PAQR4: variants seen among roughly 807,000 people sequenced by gnomAD.
PAQR4 encodes the protein progestin and adipoQ receptor family member IV.
PAQR4 carries 26 observed loss-of-function variants against 20.9 expected under a neutral mutation model. That is an observed-to-expected ratio of 1.24 (90% CI 0.91 to 1.73). PAQR4 has a LOEUF of 1.73. PAQR4 is among the 40% of genes most tolerant of loss of function. The pLI, the probability that PAQR4 is intolerant of heterozygous loss-of-function variation, is 0.00. For missense variants in PAQR4, 400 were observed against 380.1 expected (o/e 1.05, Z -0.44); for synonymous variants, 193 against 171.6 (o/e 1.12, Z -0.97).
At position 2,972,015 on chromosome 16, in the gene PAQR4, G is replaced by C. The variant is rs775692308; in HGVS notation, c.*67G>C. 2 of 1,430,722 alleles carry C rather than the reference G, an allele frequency of 1.4e-6. No individual in the cohort carries two copies. The allele number at this position is 1,430,722 out of a possible 1,614,324, so 88.6% of individuals were successfully genotyped here. On this transcript the variant is annotated 3_prime_UTR_variant, in exon 3 of 3. Transcript: ENST00000318782. ...CAACACCAGGTGTTCCTCCCAACTC[G>C]TCTGCAAGGGGCTGGCTCCTTGGAT...
In PAQR4 at chr16:2,969,574, G is replaced by A. The variant is rs1468247669; in HGVS notation, c.-101G>A. On this transcript the variant is annotated 5_prime_UTR_variant, in exon 1 of 3. Coordinates refer to ENST00000318782, the MANE Select transcript of PAQR4 (RefSeq NM_152341.5). The stretch of plus-strand genomic sequence containing the variant: ...GCGCAGGGCGATGGGTGGGCGCCGG[G>A]CGCCGGGCGCCAGGCAGTGATGGGC... 5 of 1,300,166 alleles carry A rather than the reference G, an allele frequency of 3.8e-6. No homozygotes were observed. The highest frequency in any genetic ancestry group is 1.6e-5 in the African/African-American group (1 of 63,596). The allele number at this position is 1,300,166 out of a possible 1,614,324, so 80.5% of individuals were successfully genotyped here. A position where few individuals can be genotyped will look rare whatever the true frequency, so the allele number is the denominator to read the frequency against.
In PAQR4 at chr16:2,973,288, G is replaced by A; in HGVS notation, c.*1340G>A. The A allele has an allele frequency of 6.6e-7, 1 of 1,503,960 alleles. No individual in the cohort carries two copies. The allele number at this position is 1,503,960 out of a possible 1,614,324, so 93.2% of individuals were successfully genotyped here. ...GCCGGATGAAACCAGCTCTGTCCCT[G>A]TGCAGGCTCCAGGCTCCCGCCTGAC... On this transcript the variant is annotated 3_prime_UTR_variant, in exon 3 of 3. Transcript: ENST00000318782.
At chr16:2,970,556 G>A (rs1463452003) in intron 1 of PAQR4, among the ~76,000 whole-genome samples, 1 of 152,210 alleles carries the variant, frequency 6.6e-6, no homozygotes, top group Non-Finnish European at 1.5e-5. Flanking sequence ...AACTCCCCAG[G>A]GAGAGGTCTG....
rs2072030331 is a variant in PAQR4, at chr16:2,972,733, C to G, written c.*785C>G. The G allele has an allele frequency of 1.3e-6, 2 of 1,536,608 alleles. No individual in the cohort carries two copies. The highest frequency in any genetic ancestry group is 1.7e-6 in the Non-Finnish European group (2 of 1,146,848). ...GAGCGCTGGGTTCTGCAGCAGGGCT[C>G]AGCCTCAGGGGCGTTAAGACCCTGG... On this transcript the variant is annotated 3_prime_UTR_variant, in exon 3 of 3. Transcript: ENST00000318782.
chr16:2,969,863 C>G, intron 1 of PAQR4, 23 bp downstream of exon 1: 4 of 1,607,256 alleles, frequency 2.5e-6, no homozygotes, highest in Non-Finnish European at 3.4e-6. Context: ...CCGCAACGCG[C>G]TTCCCACACC....
rs867513721 is a variant in PAQR4 at position 2,972,275 on chromosome 16, G to T, written c.*327G>T. 108 of 497,474 alleles carry T rather than the reference G, an allele frequency of 2.2e-4. No homozygotes were observed. In the Middle Eastern group the frequency reaches 3.1e-3, roughly 14 times the overall value. The allele number at this position is 497,474 out of a possible 1,614,324, so 30.8% of individuals were successfully genotyped here. A position where few individuals can be genotyped will look rare whatever the true frequency, so the allele number is the denominator to read the frequency against. On this transcript the variant is annotated 3_prime_UTR_variant, in exon 3 of 3. Coordinates refer to ENST00000318782, the MANE Select transcript of PAQR4 (RefSeq NM_152341.5). ...TCTGGGGTCACGTCTTGCTCTGAGAGTTCAAGTCCTGCCAGGCCGCCAGCC... is the reference window on the plus strand; with the variant it reads ...TCTGGGGTCACGTCTTGCTCTGAGATTTCAAGTCCTGCCAGGCCGCCAGCC...
At position 2,972,296 on chromosome 16, in the gene PAQR4, C is replaced by A; in HGVS notation, c.*348C>A. 1 of 493,766 alleles carries A rather than the reference C, an allele frequency of 2.0e-6. No individual in the cohort carries two copies. The highest frequency in any genetic ancestry group is 3.3e-5 in the South Asian group (1 of 30,668). The allele number at this position is 493,766 out of a possible 1,614,324, so 30.6% of individuals were successfully genotyped here. A position where few individuals can be genotyped will look rare whatever the true frequency, so the allele number is the denominator to read the frequency against. Reference sequence around the variant, plus strand: ...GAGAGTTCAAGTCCTGCCAGGCCGCCAGCCCAGAGCCTCCTCACCCTATCC... The same window carrying A: ...GAGAGTTCAAGTCCTGCCAGGCCGCAAGCCCAGAGCCTCCTCACCCTATCC... On this transcript the variant is annotated 3_prime_UTR_variant, in exon 3 of 3. Transcript: ENST00000318782.
intron 1 of PAQR4, 121 bp downstream of exon 1, chr16:2,969,961 C>T (rs2071935978): frequency 1.6e-6 from 2 of 1,260,444 alleles, no homozygotes; most frequent in Non-Finnish European, 2.2e-6. Context: ...GGCCCTGGCA[C>T]CGCCAGTAGC....
chr16:2,971,650 G>A lies in PAQR4; in HGVS notation c.524G>A (p.Arg175Gln), dbSNP rs144910480. Residue 175 changes from arginine to glutamine, a missense_variant, in exon 3 of 3, where the codon CGG (arginine) becomes CAG (glutamine). By Grantham distance (43) the Arg-to-Gln change is conservative. Coordinates refer to ENST00000318782, the MANE Select transcript of PAQR4 (RefSeq NM_152341.5). Reference protein sequence around the residue: ...LTAPSTSARLRAFGWQAAARL... With the variant: ...LTAPSTSARLQAFGWQAAARL... The stretch of plus-strand genomic sequence containing the variant: ...GCCCCCTCCACCAGTGCTCGGCTCC[G>A]GGCATTTGGATGGCAGGCTGCTGCC... 1.3e-4 allele frequency: 203 copies of A among 1,609,964 alleles called. No homozygotes were observed. Among genetic ancestry groups the A allele is most frequent in the African/African-American group, 5.1e-4 (38 of 75,054 alleles).
At position 2,973,171 on chromosome 16, in the gene PAQR4, C is replaced by T. The variant is rs969534351; in HGVS notation, c.*1223C>T. On this transcript the variant is annotated 3_prime_UTR_variant, in exon 3 of 3. Coordinates refer to ENST00000318782, the MANE Select transcript of PAQR4 (RefSeq NM_152341.5). ...GCACCTGCTCCGGGGGGTGGAGGTG[C>T]TCCCCACAGTCCGGGCCAGGACAGC... 6.1e-5 allele frequency: 93 copies of T among 1,534,832 alleles called. No individual in the cohort carries two copies. The highest frequency in any genetic ancestry group is 7.8e-5 in the Non-Finnish European group (88 of 1,135,184).
Position 2,971,701 on chromosome 16 carries a change from G to T in PAQR4, c.575G>T (p.Gly192Val), listed in dbSNP as rs756229525. 1 of 1,612,472 alleles carries T rather than the reference G, an allele frequency of 6.2e-7. No homozygotes were observed. Among genetic ancestry groups the T allele is most frequent in the Admixed American group, 1.7e-5 (1 of 60,008 alleles). ...AARLLVFGAR[G>V]VGLGSGAPGS... ...CGCCTACTGGTATTTGGGGCCCGGG[G>T]AGTGGGTCTGGGTTCAGGGGCTCCA... Residue 192 changes from glycine to valine, a missense_variant, in exon 3 of 3, where the codon GGA becomes GTA. By Grantham distance (109) the Gly-to-Val change is moderately radical. Transcript: ENST00000318782.
In PAQR4 at chr16:2,973,325, G is replaced by A; in HGVS notation, c.*1377G>A. 1 of 1,532,358 alleles carries A rather than the reference G, an allele frequency of 6.5e-7. No individual in the cohort carries two copies. Among genetic ancestry groups the A allele is most frequent in the Middle Eastern group, 1.7e-4 (1 of 5,892 alleles). The allele number at this position is 1,532,358 out of a possible 1,614,324, so 94.9% of individuals were successfully genotyped here. On this transcript the variant is annotated 3_prime_UTR_variant, in exon 3 of 3. Coordinates refer to ENST00000318782, the MANE Select transcript of PAQR4 (RefSeq NM_152341.5). Reference sequence around the variant, plus strand: ...GGCTCCCGCCTGACAAACAGGCAGGGAGCCACAGTCAGGGACAATAAAAAC... The same window carrying A: ...GGCTCCCGCCTGACAAACAGGCAGGAAGCCACAGTCAGGGACAATAAAAAC...
chr16:2,972,458 A>C lies in PAQR4; in HGVS notation c.*510A>C, dbSNP rs1435745703. ...GACTATGGAGTAAGGCATTCAGGACAAAAGGACCAAGGGGGCGTGGACCCG... is the reference window on the plus strand; with the variant it reads ...GACTATGGAGTAAGGCATTCAGGACCAAAGGACCAAGGGGGCGTGGACCCG... On this transcript the variant is annotated 3_prime_UTR_variant, in exon 3 of 3. Coordinates refer to ENST00000318782, the MANE Select transcript of PAQR4 (RefSeq NM_152341.5). 1 of 691,628 alleles carries C rather than the reference A, an allele frequency of 1.4e-6. No homozygotes were observed. Among genetic ancestry groups the C allele is most frequent in the African/African-American group, 1.8e-5 (1 of 55,480 alleles). The allele number at this position is 691,628 out of a possible 1,614,324, so 42.8% of individuals were successfully genotyped here. A position where few individuals can be genotyped will look rare whatever the true frequency, so the allele number is the denominator to read the frequency against.
chr16:2,971,923 C>T lies in PAQR4; in HGVS notation c.797C>T (p.Ala266Val), dbSNP rs763074735. The T allele has an allele frequency of 3.3e-5, 52 of 1,597,100 alleles. No individual in the cohort carries two copies. In the South Asian group the frequency reaches 5.3e-4, roughly 16 times the overall value. The change falls in exon 3 of 3, where the codon GCC (alanine) becomes GTC (valine). Residue 266 changes from alanine (A) to valine (V), a missense_variant. By Grantham distance (64) the Ala-to-Val change is moderately conservative. Coordinates refer to ENST00000318782, the MANE Select transcript of PAQR4 (RefSeq NM_152341.5). ...GTCGTGCCCGACCTGCTCTGGGCTG[C>T]CCACCACGCCTGTCCCCGGGACTGA... ...AGVVPDLLWA[A>V]HHACPRD
At position 2,971,202 on chromosome 16, in the gene PAQR4, C is replaced by G; in HGVS notation, c.212C>G (p.Pro71Arg). 1 of 1,613,416 alleles carries G rather than the reference C, an allele frequency of 6.2e-7. No individual in the cohort carries two copies. The change falls in exon 2 of 3, where the codon CCC becomes CGC. Residue 71 changes from proline to arginine, a missense_variant. Pro to Arg is a moderately radical substitution (Grantham distance 103). Transcript: ENST00000318782. ...GFLVLVPMTM[P>R]WGQLGKDGWL... The stretch of plus-strand genomic sequence containing the variant: ...CTGGTGCTGGTGCCAATGACCATGC[C>G]CTGGGGTCAGCTGGGCAAGGATGGC...
At chr16:2,970,252 C>T (rs2071946585) in intron 1 of PAQR4, 1 of 203,140 alleles carries the variant, frequency 4.9e-6, no homozygotes, top group Admixed American at 5.8e-5. Flanking sequence ...CCAAGCCGCT[C>T]TGTCTTGGGG....
chr16:2,970,892 G>C, intron 1 of PAQR4: 1 of 592,624 alleles, frequency 1.7e-6, no homozygotes, highest in Non-Finnish European at 3.0e-6. Flanking sequence ...GCTCACCCGG[G>C]GCCGGTCACT....
At chr16:2,970,416 C>T (rs1208782217) in intron 1 of PAQR4, among the ~76,000 whole-genome samples, 2 of 152,262 alleles carry the variant, frequency 1.3e-5, no homozygotes, top group Admixed American at 6.5e-5. Flanking sequence ...GTGCCTTTCC[C>T]GAGCTTTTGC....
In PAQR4 at chr16:2,969,589, C is replaced by T. The variant is rs962074088; in HGVS notation, c.-86C>T. 4.5e-6 allele frequency: 6 copies of T among 1,336,210 alleles called. No individual in the cohort carries two copies. The highest frequency in any genetic ancestry group is 5.8e-6 in the Non-Finnish European group (6 of 1,043,380). 82.8% of individuals were successfully genotyped at this position (1,336,210 alleles called of 1,614,324 possible). On this transcript the variant is annotated 5_prime_UTR_variant, in exon 1 of 3. The change creates a premature stop within an existing upstream ORF in the 5' untranslated region. Transcript: ENST00000318782. ...TGGGCGCCGGGCGCCGGGCGCCAGG[C>T]AGTGATGGGCCTTCCCGCGCTGCGG...
Sources: allele counts gnomAD v4.1 joint callset (sites outside exome capture counted in the v4.1 genomes callset), GRCh38; gene constraint gnomAD v4.1.1; transcripts MANE v1.5; gene names NCBI Gene and HGNC (gene_info 2026-07-23, HGNC 2026-07-21).